EIF2S3: variants seen among roughly 807,000 people sequenced by gnomAD.
The protein encoded by EIF2S3 is eukaryotic translation initiation factor 2 subunit 3.
In EIF2S3, 2 loss-of-function variants were observed where a neutral mutation model predicts 31.7. That is an observed-to-expected ratio of 0.06 (90% CI 0.03 to 0.20). The LOEUF (loss-of-function observed/expected upper bound fraction) is 0.20, where lower values mean the gene tolerates loss of function less well. EIF2S3 is among the 10% of genes least tolerant of loss of function. The pLI, the probability that EIF2S3 is intolerant of heterozygous loss-of-function variation, is 1.00. For missense variants in EIF2S3, 96 were observed against 359.3 expected (o/e 0.27, Z 5.92); for synonymous variants, 120 against 126.7 (o/e 0.95, Z 0.36).
chrX:24,060,461 G>T, intron 5 of EIF2S3: 1 of 351,530 alleles, frequency 2.8e-6, no homozygotes. Flanking sequence ...ATCACATGAG[G>T]TGATTTATTT....
intron 5 of EIF2S3, among the ~76,000 whole-genome samples, chrX:24,061,564 C>CAA (rs759724351): frequency 4.7e-5 from 5 of 105,554 alleles, no homozygotes; most frequent in African/African-American, 1.4e-4. Flanking sequence ...GACTCAGTCT[C>CAA]AAAAAAAAAA....
Position 24,057,564 on chromosome X carries a change from T to G in EIF2S3, c.261+16T>G. The stretch of plus-strand genomic sequence containing the variant: ...TAATGCTAAGGTAAGCTGTGTACTG[T>G]GGAACGAGAAACTAACTTTAATTGT... On this transcript the variant is annotated intron_variant, in intron 3 of 11. Transcript: ENST00000253039. The G allele has an allele frequency of 1.7e-6, 2 of 1,207,559 alleles. No homozygotes were observed. The highest frequency in any genetic ancestry group is 2.2e-6 in the Non-Finnish European group (2 of 893,575).
At position 24,076,893 on chromosome X, in the gene EIF2S3, C is replaced by T. The variant is rs111372663; in HGVS notation, c.*108C>T. Reference sequence around the variant, plus strand: ...ATATTGGGGAATTGATTTCACAGTTCGTTACCTTAGTAGGTAACGGTAAGG... The same window carrying T: ...ATATTGGGGAATTGATTTCACAGTTTGTTACCTTAGTAGGTAACGGTAAGG... On this transcript the variant is annotated 3_prime_UTR_variant, in exon 12 of 12. Transcript: ENST00000253039. 2.1e-5 allele frequency: 9 copies of T among 433,706 alleles called. No homozygotes were observed. Among genetic ancestry groups the T allele is most frequent in the African/African-American group, 3.1e-5 (1 of 32,202 alleles). 35.7% of individuals were successfully genotyped at this position (433,706 alleles called of 1,213,427 possible). A position where few individuals can be genotyped will look rare whatever the true frequency, so the allele number is the denominator to read the frequency against.
At chrX:24,056,398 A>G (rs1461447738) in intron 2 of EIF2S3, among the ~76,000 whole-genome samples, 1 of 112,117 alleles carries the variant, frequency 8.9e-6, no homozygotes, top group Non-Finnish European at 1.9e-5. Context: ...TGCTAAGACT[A>G]TACCAGTTAA....
At chrX:24,066,878 C>G (rs1930583960) in intron 8 of EIF2S3, among the ~76,000 whole-genome samples, 2 of 111,840 alleles carry the variant, frequency 1.8e-5, no homozygotes, top group African/African-American at 6.5e-5. Flanking sequence ...CCATGTTTGG[C>G]TATTGTGAAC....
intron 2 of EIF2S3, among the ~76,000 whole-genome samples, chrX:24,056,042 T>C (rs768903487): frequency 8.9e-6 from 1 of 112,236 alleles, no homozygotes; most frequent in South Asian, 3.6e-4. Context: ...CAAGCTGTGA[T>C]TAAATAGAAG....
rs969448243 is a variant in EIF2S3 at position 24,075,005 on chromosome X, C to T, written c.1356-1717C>T. Among the ~76,000 whole-genome samples, 11 of 106,982 alleles carry T rather than the reference C, an allele frequency of 1.0e-4. No individual in the cohort carries two copies. In the Admixed American group the frequency reaches 1.1e-3, roughly 11 times the overall value. The allele number at this position is 106,982 out of a possible 115,157, so 92.9% of individuals were successfully genotyped here. A position where few individuals can be genotyped will look rare whatever the true frequency, so the allele number is the denominator to read the frequency against. ...TCAGCCTCCCGAGTAGCTGGGACTA[C>T]AGGCACACGCCACCACACCCGGCTA... On this transcript the variant is annotated intron_variant, in intron 11 of 11. Transcript: ENST00000253039.
chrX:24,074,669 C>T (rs766559171), intron 11 of EIF2S3, among the ~76,000 whole-genome samples: 1 of 110,064 alleles, frequency 9.1e-6, no homozygotes, highest in South Asian at 3.9e-4. Context: ...ATTTGGCATT[C>T]TTTCTTTGCC....
At chrX:24,074,309 T>C (rs62585031) in intron 11 of EIF2S3, among the ~76,000 whole-genome samples, 440 of 112,381 alleles carry the variant, frequency 3.9e-3, no homozygotes, top group Non-Finnish European at 6.9e-3. Context: ...GATTCAGTTA[T>C]ATATTCTTAA....
At chrX:24,069,113 G>A (rs749600041) in intron 9 of EIF2S3, among the ~76,000 whole-genome samples, 91 of 111,685 alleles carry the variant, frequency 8.1e-4, no homozygotes, top group African/African-American at 2.8e-3. Context: ...TGGGCGCAGT[G>A]TCTCATGCCT....
chrX:24,066,527 T>C (rs1252011959), intron 8 of EIF2S3, among the ~76,000 whole-genome samples: 2 of 106,676 alleles, frequency 1.9e-5, no homozygotes, highest in Non-Finnish European at 3.8e-5. Flanking sequence ...TCTTTTCTTT[T>C]TTTTTTTTTT....
intron 8 of EIF2S3, among the ~76,000 whole-genome samples, chrX:24,067,702 C>T (rs762099316): frequency 6.8e-4 from 74 of 108,653 alleles, no homozygotes; most frequent in Non-Finnish European, 4.4e-4. Flanking sequence ...GCAATTCTGC[C>T]GCAGCCTCCT....
At chrX:24,071,391 G>T (rs977228914) in intron 9 of EIF2S3, among the ~76,000 whole-genome samples, 167 bp from the exon 10 acceptor site, 11 of 110,461 alleles carry the variant, frequency 1.0e-4, no homozygotes, top group African/African-American at 3.6e-4. Flanking sequence ...GGGTTTCACC[G>T]TGTTGCCCAG....
chrX:24,068,125 C>T lies in EIF2S3; in HGVS notation c.1012+17C>T. ...GTCTTATTGGTAAGGATTTTTTTCTCATCTCTTTTAATTTGTGGCTATTTG... is the reference window on the plus strand; with the variant it reads ...GTCTTATTGGTAAGGATTTTTTTCTTATCTCTTTTAATTTGTGGCTATTTG... On this transcript the variant is annotated intron_variant, in intron 9 of 11. Transcript: ENST00000253039. 8.6e-7 allele frequency: 1 copy of T among 1,166,634 alleles called. No individual in the cohort carries two copies. The highest frequency in any genetic ancestry group is 1.2e-6 in the Non-Finnish European group (1 of 866,929).
At chrX:24,067,159 A>G (rs1930588654) in intron 8 of EIF2S3, among the ~76,000 whole-genome samples, 1 of 110,332 alleles carries the variant, frequency 9.1e-6, no homozygotes, top group Non-Finnish European at 1.9e-5. Flanking sequence ...TTCTCCTGCC[A>G]CAGCCTCCCG....
chrX:24,057,307 G>A, intron 2 of EIF2S3, 114 bp from the exon 3 acceptor site: 1 of 953,781 alleles, frequency 1.0e-6, no homozygotes, highest in Non-Finnish European at 1.4e-6. Flanking sequence ...GGGATTACTG[G>A]CGTGAGCCAC....
At chrX:24,058,089 ATTAC>A (rs1234415924) in intron 4 of EIF2S3, among the ~76,000 whole-genome samples, 4 of 112,280 alleles carry the variant, frequency 3.6e-5, no homozygotes, top group African/African-American at 1.3e-4. Context: ...GCCATTTCTA[ATTAC>A]TTCTCTAAAA....
intron 10 of EIF2S3, 38 bp from the exon 11 acceptor site, chrX:24,073,053 G>T: frequency 8.6e-7 from 1 of 1,164,159 alleles, no homozygotes. Context: ...GCATTTTCTT[G>T]ATTTTGGGGT....
chrX:24,057,400 T>G, intron 2 of EIF2S3, 21 bp from the exon 3 acceptor site: 2 of 1,180,841 alleles, frequency 1.7e-6, no homozygotes, highest in South Asian at 1.9e-5. Flanking sequence ...CATGAATTAA[T>G]TTTTTGAACT....
Sources: allele counts gnomAD v4.1 joint callset (sites outside exome capture counted in the v4.1 genomes callset), GRCh38; gene constraint gnomAD v4.1.1; transcripts MANE v1.5; gene names NCBI Gene and HGNC (gene_info 2026-07-23, HGNC 2026-07-21).